The following STK33 variants were observed in gnomAD, a reference collection of about 807,000 sequenced individuals.
STK33 encodes the protein serine/threonine kinase 33, also known as serine/threonine-protein kinase 33.
In STK33, 52 loss-of-function variants were observed where a neutral mutation model predicts 58.0. That is an observed-to-expected ratio of 0.90 (90% CI 0.72 to 1.13). STK33 has a LOEUF of 1.13. Among genes scored for constraint, STK33 ranks in the 50% most tolerant of loss-of-function variants. STK33 has a pLI of 0.00. For missense variants in STK33, 630 were observed against 604.2 expected (o/e 1.04, Z -0.45); for synonymous variants, 215 against 200.1 (o/e 1.07, Z -0.63).
the STK33 span, among the ~76,000 whole-genome samples, chr11:8,370,815 C>T: frequency 1.4e-4 from 21 of 152,134 alleles, no homozygotes; most frequent in Non-Finnish European, 1.9e-4. Context: ...GCGCCCAGCA[C>T]GAGAAGTGGC....
At chr11:8,433,113 A>C (rs1218738722) in intron 14 of STK33, among the ~76,000 whole-genome samples, 1 of 152,234 alleles carries the variant, frequency 6.6e-6, no homozygotes, top group Non-Finnish European at 1.5e-5. Flanking sequence ...ATAGTTCTGC[A>C]GTGATCTAGC....
At chr11:8,356,972 C>T in the STK33 span, among the ~76,000 whole-genome samples, 1 of 152,158 alleles carries the variant, frequency 6.6e-6, no homozygotes, top group Admixed American at 6.5e-5. Context: ...GGGGCGGGGC[C>T]CACACAGCTG....
At chr11:8,383,089 G>C in the STK33 span, among the ~76,000 whole-genome samples, 9 of 152,234 alleles carry the variant, frequency 5.9e-5, no homozygotes, top group Non-Finnish European at 1.3e-4. Flanking sequence ...TGCAGTGACA[G>C]ACGCACAGTG....
chr11:8,474,611 A>G (rs1236916931), intron 5 of STK33, 70 bp downstream of exon 5: 1 of 1,117,346 alleles, frequency 8.9e-7, no homozygotes, highest in African/African-American at 1.6e-5. Flanking sequence ...TGGGATATGG[A>G]TGAAGCTAGG....
chr11:8,371,384 T>A, the STK33 span, among the ~76,000 whole-genome samples: 1 of 152,030 alleles, frequency 6.6e-6, no homozygotes, highest in African/African-American at 2.4e-5. Context: ...CACCAGGAAC[T>A]GGGAGAGGCA....
At chr11:8,492,522 ATATT>A (rs1950705617) in intron 1 of STK33, among the ~76,000 whole-genome samples, 1 of 152,226 alleles carries the variant, frequency 6.6e-6, no homozygotes, top group Non-Finnish European at 1.5e-5. Context: ...CCCACTGTCA[ATATT>A]AGACAGATCA....
At chr11:8,482,071 G>C (rs368929649) in intron 1 of STK33, among the ~76,000 whole-genome samples, 10 of 152,122 alleles carry the variant, frequency 6.6e-5, no homozygotes, top group Non-Finnish European at 1.3e-4. Context: ...CCCCAGCCAC[G>C]TAATTTCAAG....
At chr11:8,394,818 T>C (rs758416131) in intron 15 of STK33, among the ~76,000 whole-genome samples, 1 of 152,166 alleles carries the variant, frequency 6.6e-6, no homozygotes, top group Non-Finnish European at 1.5e-5. Context: ...GATATTTCTG[T>C]TTTATTTTGT....
chr11:8,495,424 T>C (rs1044929362), intron 1 of STK33, among the ~76,000 whole-genome samples: 16 of 151,968 alleles, frequency 1.1e-4, no homozygotes, highest in Non-Finnish European at 2.2e-4. Flanking sequence ...GTTAGAATGG[T>C]GATCATTAAA....
At chr11:8,591,183 T>C (rs910528908) in intron 1 of STK33, among the ~76,000 whole-genome samples, 8 of 152,182 alleles carry the variant, frequency 5.3e-5, no homozygotes, top group African/African-American at 1.9e-4. Context: ...CTTACAGCAG[T>C]ATAAGCTCTT....
rs189146017 is a variant in STK33 at position 8,514,654 on chromosome 11, T to C, written c.-465-34040A>G. On this transcript the variant is annotated intron_variant, in intron 1 of 15. Coordinates refer to ENST00000687296, the MANE Select transcript of STK33 (RefSeq NM_001352389.2). Reference sequence around the variant, plus strand: ...CATCAAATCATCTCATTCTCTAAAATTGAGTTGACGTGATCCTGGACTGGT... The same window carrying C: ...CATCAAATCATCTCATTCTCTAAAACTGAGTTGACGTGATCCTGGACTGGT... Among the ~76,000 whole-genome samples, 316 of 152,310 alleles carry C rather than the reference T, an allele frequency of 2.1e-3. 7 individuals carry two copies. The highest frequency in any genetic ancestry group is 0.019 in the Admixed American group (298 of 15,290).
intron 1 of STK33, among the ~76,000 whole-genome samples, chr11:8,562,851 G>C (rs1000947221): frequency 3.9e-5 from 6 of 152,174 alleles, no homozygotes; most frequent in Non-Finnish European, 5.9e-5. Flanking sequence ...GAAGAAGACA[G>C]AAATAGTTCC....
At chr11:8,465,677 C>G (rs1948095018) in intron 6 of STK33, 1 of 152,310 alleles carries the variant, frequency 6.6e-6, no homozygotes, top group Admixed American at 6.5e-5. Flanking sequence ...ACTAATGCCA[C>G]TAGGTAATGC....
rs1434653368 is a variant in STK33 at position 8,440,760 on chromosome 11, A to G, written c.872-7T>C. ...GCACTGATAACTTCAGGGGCTGCCAAACAAGCAGATATAAAATAACATTAA... is the reference window on the plus strand; with the variant it reads ...GCACTGATAACTTCAGGGGCTGCCAGACAAGCAGATATAAAATAACATTAA... On this transcript the variant is annotated splice_polypyrimidine_tract_variant and splice_region_variant and intron_variant, in intron 11 of 15. Transcript: ENST00000687296. 1.9e-6 allele frequency: 3 copies of G among 1,558,304 alleles called. No individual in the cohort carries two copies. The highest frequency in any genetic ancestry group is 2.6e-6 in the Non-Finnish European group (3 of 1,149,548).
intron 11 of STK33, among the ~76,000 whole-genome samples, chr11:8,447,986 A>G (rs1186427235): frequency 6.6e-6 from 1 of 152,206 alleles, no homozygotes; most frequent in African/African-American, 2.4e-5. Flanking sequence ...ATTCTTATAC[A>G]CCAATAACAG....
intron 9 of STK33, among the ~76,000 whole-genome samples, chr11:8,457,030 T>G (rs1176104949): frequency 6.6e-6 from 1 of 152,196 alleles, no homozygotes. Context: ...ACATACAGAT[T>G]CTAATGTTAT....
At chr11:8,557,034 T>C (rs539574248) in intron 1 of STK33, among the ~76,000 whole-genome samples, 13 of 151,768 alleles carry the variant, frequency 8.6e-5, no homozygotes, top group African/African-American at 3.1e-4. Flanking sequence ...GAGGATCACT[T>C]GAGCCCAGGG....
intron 1 of STK33, among the ~76,000 whole-genome samples, chr11:8,553,202 TA>T (rs1956466038): frequency 4.7e-5 from 1 of 21,318 alleles, no homozygotes; most frequent in Non-Finnish European, 7.9e-5. Context: ...ATATATGGTG[TA>T]TATATATATA....
At chr11:8,406,629 A>T (rs1422655771) in intron 15 of STK33, among the ~76,000 whole-genome samples, 1 of 152,098 alleles carries the variant, frequency 6.6e-6, no homozygotes, top group Non-Finnish European at 1.5e-5. Context: ...GTTTTGTGGC[A>T]ATTAGTATTT....
Sources: gnomAD v4.1 joint callset for allele counts (sites outside exome capture counted in the v4.1 genomes callset) on GRCh38, gnomAD v4.1.1 for gene constraint, MANE v1.5 for transcripts, NCBI Gene and HGNC (gene_info 2026-07-23, HGNC 2026-07-21) for gene names.